Variants in MSRB3 observed in about 807,000 individuals in gnomAD.
MSRB3 encodes the protein methionine-R-sulfoxide reductase B3.
In MSRB3, 13 loss-of-function variants were observed where a neutral mutation model predicts 21.0. The ratio of observed to expected loss-of-function variants is 0.62; its 90% confidence interval spans 0.40 to 0.98. The LOEUF (loss-of-function observed/expected upper bound fraction) is 0.98, where lower values mean the gene tolerates loss of function less well. MSRB3 is among the 50% of genes least tolerant of loss of function. The pLI, the probability that MSRB3 is intolerant of heterozygous loss-of-function variation, is 0.00. For synonymous variants in MSRB3, 87 were observed against 88.6 expected (o/e 0.98, Z 0.10); for missense variants, 199 against 230.3 (o/e 0.86, Z 0.88).
At chr12:65,352,540 G>A (rs1441103112) in intron 4 of MSRB3, among the ~76,000 whole-genome samples, 2 of 151,862 alleles carry the variant, frequency 1.3e-5, no homozygotes, top group African/African-American at 2.4e-5. Context: ...GTTTGCAGAC[G>A]ACATGATTGT....
At chr12:65,402,430 C>T (rs1017822616) in intron 5 of MSRB3, among the ~76,000 whole-genome samples, 4 of 152,264 alleles carry the variant, frequency 2.6e-5, no homozygotes, top group East Asian at 3.9e-4. Context: ...GTATGCTTCA[C>T]GAAGTTCTTG....
intron 1 of MSRB3, among the ~76,000 whole-genome samples, chr12:65,300,059 T>C (rs1208776016): frequency 6.6e-6 from 1 of 152,242 alleles, no homozygotes; most frequent in Non-Finnish European, 1.5e-5. Flanking sequence ...TATTTGTTGA[T>C]TGATTTAAAA....
intron 4 of MSRB3, among the ~76,000 whole-genome samples, chr12:65,338,894 G>A (rs1336081266): frequency 6.6e-6 from 1 of 151,996 alleles, no homozygotes; most frequent in East Asian, 1.9e-4. Flanking sequence ...AGGCAACATG[G>A]TGAAACCCTG....
intron 1 of MSRB3, among the ~76,000 whole-genome samples, chr12:65,293,359 C>A (rs1424190606): frequency 6.6e-6 from 1 of 152,124 alleles, no homozygotes; most frequent in East Asian, 1.9e-4. Flanking sequence ...ACTTCCCTTT[C>A]TTTTTGGGAC....
chr12:65,360,347 T>TA (rs1877631404), intron 4 of MSRB3, among the ~76,000 whole-genome samples: 1 of 152,086 alleles, frequency 6.6e-6, no homozygotes, highest in East Asian at 1.9e-4. Context: ...GCCTTGACTT[T>TA]AAAAAGCCTC....
chr12:65,302,960 A>C (rs945724710), intron 1 of MSRB3, among the ~76,000 whole-genome samples: 6 of 152,128 alleles, frequency 3.9e-5, no homozygotes, highest in African/African-American at 1.4e-4. Context: ...TCGCTTTCTT[A>C]GTTGTTGGTG....
At chr12:65,348,967 T>C (rs1404510416) in intron 4 of MSRB3, among the ~76,000 whole-genome samples, 3 of 152,228 alleles carry the variant, frequency 2.0e-5, no homozygotes, top group East Asian at 1.9e-4. Flanking sequence ...TGCAGGTTAG[T>C]TACATATGTA....
At chr12:65,380,497 C>T (rs1296092117) in intron 5 of MSRB3, among the ~76,000 whole-genome samples, 2 of 152,076 alleles carry the variant, frequency 1.3e-5, no homozygotes, top group East Asian at 1.9e-4. Flanking sequence ...ATTGCTTGAA[C>T]CCGGGAGGTG....
intron 5 of MSRB3, among the ~76,000 whole-genome samples, chr12:65,414,013 G>A (rs766418475): frequency 3.7e-4 from 56 of 152,162 alleles, no homozygotes; most frequent in Non-Finnish European, 6.8e-4. Flanking sequence ...CAGTATTGCT[G>A]TAGTTGAGGG....
chr12:65,365,694 T>C (rs1346145124), intron 4 of MSRB3, among the ~76,000 whole-genome samples: 1 of 152,188 alleles, frequency 6.6e-6, no homozygotes, highest in African/African-American at 2.4e-5. Flanking sequence ...TATAGCTAAA[T>C]AGTTAAAACT....
At chr12:65,369,883 TG>T (rs975985342) in intron 5 of MSRB3, among the ~76,000 whole-genome samples, 1 of 152,194 alleles carries the variant, frequency 6.6e-6, no homozygotes, top group Non-Finnish European at 1.5e-5. Flanking sequence ...TTTCACTATA[TG>T]GTAACTTTAA....
intron 4 of MSRB3, among the ~76,000 whole-genome samples, chr12:65,364,076 T>C (rs1877865431): frequency 6.6e-6 from 1 of 152,194 alleles, no homozygotes; most frequent in African/African-American, 2.4e-5. Context: ...TATTCTAATA[T>C]CAGTTTTTCC....
At chr12:65,403,060 T>A (rs1243919481) in intron 5 of MSRB3, among the ~76,000 whole-genome samples, 1 of 152,204 alleles carries the variant, frequency 6.6e-6, no homozygotes, top group Non-Finnish European at 1.5e-5. Context: ...AAGAAGTGTC[T>A]CCCAGTCAGG....
In MSRB3 at chr12:65,287,899, AAAACTAGGT is replaced by A. The variant is rs536725396; in HGVS notation, c.-52+9035_-52+9043del. Reference sequence around the variant, plus strand: ...AAAAGAACATTTGACAGTGAATTGGAAAACTAGGTTTTTCTAGTCTTGTTTTTGCCTGAG... The same window carrying A: ...AAAAGAACATTTGACAGTGAATTGGATTTTCTAGTCTTGTTTTTGCCTGAG... On this transcript the variant is annotated intron_variant, in intron 1 of 6. Transcript: ENST00000308259. 1.6e-3 allele frequency among the ~76,000 whole-genome samples: 245 copies of A among 152,318 alleles called. 3 individuals carry two copies. Among genetic ancestry groups the A allele is most frequent in the African/African-American group, 5.6e-3 (234 of 41,562 alleles).
In MSRB3 at chr12:65,463,272, G is replaced by A. The variant is rs1160327177; in HGVS notation, c.508G>A (p.Gly170Arg). The A allele has an allele frequency of 1.2e-6, 2 of 1,614,206 alleles. No individual in the cohort carries two copies. The highest frequency in any genetic ancestry group is 2.2e-5 in the South Asian group (2 of 91,088). The change falls in exon 7 of 7, where the codon GGA becomes AGA. Residue 170 changes from glycine (G) to arginine (R), a missense_variant. Physicochemically the swap from Gly to Arg is moderately radical, Grantham distance 125. Transcript: ENST00000308259. ...TGCGGATAGCAGTGGCACCGCCGAG[G>A]GAGGCAGTGGGGTCGCCAGCCCGGC... The part of the protein sequence containing the change: ...TPADSSGTAE[G>R]GSGVASPAQA...
chr12:65,451,649 C>T (rs551288845), intron 5 of MSRB3, among the ~76,000 whole-genome samples: 1 of 152,176 alleles, frequency 6.6e-6, no homozygotes, highest in South Asian at 2.1e-4. Context: ...CTCCTAAATA[C>T]ACAAGAAGTA....
At chr12:65,384,279 T>A (rs1416660307) in intron 5 of MSRB3, among the ~76,000 whole-genome samples, 1 of 152,194 alleles carries the variant, frequency 6.6e-6, no homozygotes, top group Admixed American at 6.5e-5. Flanking sequence ...GAAAGATATT[T>A]CCCAATTCAT....
intron 1 of MSRB3, chr12:65,286,682 G>A (rs1872368532): frequency 6.7e-6 from 1 of 149,832 alleles, no homozygotes. Context: ...AGGCATTATT[G>A]AAAATAAGCC....
chr12:65,387,583 G>A (rs1467282479), intron 5 of MSRB3, among the ~76,000 whole-genome samples: 1 of 152,116 alleles, frequency 6.6e-6, no homozygotes, highest in Non-Finnish European at 1.5e-5. Flanking sequence ...AGCAGGGCTT[G>A]AGTCAGACAG....
Sources: gnomAD v4.1 joint callset for allele counts (sites outside exome capture counted in the v4.1 genomes callset) on GRCh38, gnomAD v4.1.1 for gene constraint, MANE v1.5 for transcripts, NCBI Gene and HGNC (gene_info 2026-07-23, HGNC 2026-07-21) for gene names.